Variants in LARS1 observed in about 807,000 individuals in gnomAD.
LARS1 encodes the protein leucyl-tRNA synthetase 1.
A neutral mutation model predicts 162.8 loss-of-function variants in LARS1; 100 were observed. The observed-to-expected ratio is 0.61, with a 90% confidence interval of 0.52 to 0.73. LARS1 has a LOEUF of 0.73. Ranked by LOEUF, LARS1 falls within the 30% of genes least tolerant of loss-of-function variation. The pLI is 0.00. For missense variants in LARS1, 1,258 were observed against 1,408.9 expected (o/e 0.89, Z 1.71); for synonymous variants, 457 against 462.8 (o/e 0.99, Z 0.16).
At chr5:146,167,661 TGGGATTACAGGC>T (rs1160436381) in intron 5 of LARS1, among the ~76,000 whole-genome samples, 1 of 151,660 alleles carries the variant, frequency 6.6e-6, no homozygotes, top group Non-Finnish European at 1.5e-5. Context: ...CCCCAAGTGC[TGGGATTACAGGC>T]GTGAGCCACC....
At chr5:146,157,265 C>G in intron 10 of LARS1, 138 bp downstream of exon 10, 1 of 729,166 alleles carries the variant, frequency 1.4e-6, no homozygotes, top group East Asian at 2.7e-5. Context: ...GAAAATGCAC[C>G]AAAACACACA....
intron 14 of LARS1, among the ~76,000 whole-genome samples, chr5:146,150,442 T>C (rs987167441): frequency 1.3e-5 from 2 of 152,122 alleles, no homozygotes; most frequent in Admixed American, 1.3e-4. Context: ...TAAAGTTATA[T>C]TTAATGAATG....
intron 14 of LARS1, among the ~76,000 whole-genome samples, chr5:146,150,071 T>A (rs538584904): frequency 1.3e-5 from 2 of 152,180 alleles, no homozygotes; most frequent in African/African-American, 2.4e-5. Flanking sequence ...TTCATCTAAT[T>A]AGGCTCCTCT....
chr5:146,131,004 G>C lies in LARS1; in HGVS notation c.2487+15C>G, dbSNP rs778846312. ...TTGACATGTTTTATAGCTACCAAAA[G>C]AATCAACAGCCTACCTGAAACTCAA... On this transcript the variant is annotated intron_variant, in intron 24 of 31. Transcript: ENST00000394434. 6.9e-7 allele frequency: 1 copy of C among 1,454,720 alleles called. No individual in the cohort carries two copies. Among genetic ancestry groups the C allele is most frequent in the Admixed American group, 1.9e-5 (1 of 51,286 alleles). 90.1% of individuals were successfully genotyped at this position (1,454,720 alleles called of 1,614,324 possible). A position where few individuals can be genotyped will look rare whatever the true frequency, so the allele number is the denominator to read the frequency against.
chr5:146,172,026 A>C (rs752283114), intron 3 of LARS1, 36 bp from the exon 4 acceptor site: 1 of 1,519,382 alleles, frequency 6.6e-7, no homozygotes, highest in East Asian at 2.3e-5. Flanking sequence ...TTGCAAATTT[A>C]AATGCCAGAC....
At chr5:146,142,807 T>G in intron 20 of LARS1, 65 bp downstream of exon 20, 2 of 1,191,474 alleles carry the variant, frequency 1.7e-6, no homozygotes, top group East Asian at 4.9e-5. Flanking sequence ...TATTAGATAT[T>G]TGAAGCCACA....
At chr5:146,144,138 A>G in intron 18 of LARS1, 129 bp downstream of exon 18, 1 of 672,140 alleles carries the variant, frequency 1.5e-6, no homozygotes, top group Non-Finnish European at 2.6e-6. Context: ...TTTCATGACC[A>G]TCCAGAGGAA....
In LARS1 at chr5:146,151,941, A is replaced by T; in HGVS notation, c.1346T>A (p.Leu449Ter). 1 of 1,614,132 alleles carries T rather than the reference A, an allele frequency of 6.2e-7. No individual in the cohort carries two copies. The highest frequency in any genetic ancestry group is 8.5e-7 in the Non-Finnish European group (1 of 1,180,014). The change falls in exon 14 of 32, where the codon TTG becomes TAG. Residue 449 changes from leucine to a stop codon, truncating the protein, a stop_gained. Transcript: ENST00000394434. LOFTEE classifies it high-confidence loss of function. ...CCGGTCATTCTGGCTCTGAATTTTC[A>T]ACTCATCACAAATGGTTACAGCAGA... Reference protein sequence around the residue: ...NLSAVTICDELKIQSQNDREK... With the variant: ...NLSAVTICDE
chr5:146,130,671 C>T (rs746139498), intron 24 of LARS1: 7 of 185,118 alleles, frequency 3.8e-5, no homozygotes, highest in Non-Finnish European at 5.5e-5. Context: ...CCTCAGAAAA[C>T]GCTTGCTCTC....
chr5:146,146,353 A>AAG (rs1554129360), intron 15 of LARS1, among the ~76,000 whole-genome samples: 1 of 139,582 alleles, frequency 7.2e-6, no homozygotes, highest in African/African-American at 2.5e-5. Flanking sequence ...AAAAAAAAAA[A>AAG]AGAAAGAGAA....
Position 146,153,729 on chromosome 5 carries a change from C to T in LARS1, c.1230+5G>A, listed in dbSNP as rs1161230384. The stretch of plus-strand genomic sequence containing the variant: ...GAAATACAAACATGAAACTCAGATA[C>T]TTACTTGCTTTTTCTTCAAGTCTCT... On this transcript the variant is annotated splice_donor_5th_base_variant and intron_variant, in intron 12 of 31. Coordinates refer to ENST00000394434, the MANE Select transcript of LARS1 (RefSeq NM_020117.11). 3.1e-6 allele frequency: 5 copies of T among 1,611,246 alleles called. No individual in the cohort carries two copies. The highest frequency in any genetic ancestry group is 1.7e-5 in the Admixed American group (1 of 59,990).
chr5:146,130,188 C>T (rs1752220934), intron 24 of LARS1, 30 bp from the exon 25 acceptor site: 2 of 1,599,364 alleles, frequency 1.3e-6, no homozygotes, highest in African/African-American at 1.3e-5. Flanking sequence ...TTACCATTTC[C>T]CTCACCTTCT....
chr5:146,143,566 T>A lies in LARS1; in HGVS notation c.1739-16A>T. Reference sequence around the variant, plus strand: ...AGGTGAGTGCCTGAAAAATAAAAAGTAACGCATGAGGAACCTGAGAGACAT... The same window carrying A: ...AGGTGAGTGCCTGAAAAATAAAAAGAAACGCATGAGGAACCTGAGAGACAT... On this transcript the variant is annotated splice_polypyrimidine_tract_variant and intron_variant, in intron 18 of 31. Transcript: ENST00000394434. The A allele has an allele frequency of 6.2e-7, 1 of 1,611,532 alleles. No individual in the cohort carries two copies. The highest frequency in any genetic ancestry group is 2.2e-5 in the East Asian group (1 of 44,874).
Position 146,148,490 on chromosome 5 carries a change from G to A in LARS1, c.1503+1132C>T, listed in dbSNP as rs113177537. ...AAATAAACCTAACTATTAATCCCAGGGAAAACCAAAAGCTGAGGATGAAAA... is the reference window on the plus strand; with the variant it reads ...AAATAAACCTAACTATTAATCCCAGAGAAAACCAAAAGCTGAGGATGAAAA... On this transcript the variant is annotated intron_variant, in intron 15 of 31. Transcript: ENST00000394434. Among the ~76,000 whole-genome samples, 816 of 152,216 alleles carry A rather than the reference G, an allele frequency of 5.4e-3. 4 individuals carry two copies. Among genetic ancestry groups the A allele is most frequent in the African/African-American group, 0.019 (776 of 41,530 alleles).
chr5:146,140,876 TAC>T (rs1034180142), intron 20 of LARS1, among the ~76,000 whole-genome samples: 9 of 152,040 alleles, frequency 5.9e-5, no homozygotes, highest in Admixed American at 1.3e-4. Context: ...CACATATATA[TAC>T]ACACACACAT....
At chr5:146,143,108 A>AGTTTG in intron 19 of LARS1, 24 bp from the exon 20 acceptor site, 1 of 1,128,524 alleles carries the variant, frequency 8.9e-7, no homozygotes, top group Non-Finnish European at 1.2e-6. Context: ...AAAACAAACT[A>AGTTTG]TTTTATATAT....
At chr5:146,143,574 G>A in intron 18 of LARS1, 24 bp from the exon 19 acceptor site, 1 of 1,609,130 alleles carries the variant, frequency 6.2e-7, no homozygotes, top group Non-Finnish European at 8.5e-7. Flanking sequence ...AGTAACGCAT[G>A]AGGAACCTGA....
At chr5:146,148,399 TAGAC>T (rs570328004) in intron 15 of LARS1, among the ~76,000 whole-genome samples, 2 of 152,106 alleles carry the variant, frequency 1.3e-5, no homozygotes, top group Non-Finnish European at 2.9e-5. Flanking sequence ...AGAAAAGAAA[TAGAC>T]AGTTGGAAAA....
In LARS1 at chr5:146,153,730, T is replaced by A. The variant is rs373670145; in HGVS notation, c.1230+4A>T. On this transcript the variant is annotated splice_donor_region_variant and intron_variant, in intron 12 of 31. Coordinates refer to ENST00000394434, the MANE Select transcript of LARS1 (RefSeq NM_020117.11). ...AAATACAAACATGAAACTCAGATACTTACTTGCTTTTTCTTCAAGTCTCTG... is the reference window on the plus strand; with the variant it reads ...AAATACAAACATGAAACTCAGATACATACTTGCTTTTTCTTCAAGTCTCTG... The A allele has an allele frequency of 1.2e-6, 2 of 1,611,454 alleles. No individual in the cohort carries two copies. The highest frequency in any genetic ancestry group is 1.7e-6 in the Non-Finnish European group (2 of 1,177,710).
Sources: gnomAD v4.1 joint callset for allele counts (sites outside exome capture counted in the v4.1 genomes callset) on GRCh38, gnomAD v4.1.1 for gene constraint, MANE v1.5 for transcripts, NCBI Gene and HGNC (gene_info 2026-07-23, HGNC 2026-07-21) for gene names.